SETD5: variants seen among roughly 807,000 people sequenced by gnomAD.
SETD5 encodes histone-lysine N-methyltransferase SETD5.
SETD5 carries 44 observed loss-of-function variants against 153.3 expected under a neutral mutation model. The observed-to-expected ratio is 0.29, with a 90% CI of 0.23 to 0.37. The LOEUF (loss-of-function observed/expected upper bound fraction) is 0.37, where lower values mean the gene tolerates loss of function less well. SETD5 is among the 10% of genes least tolerant of loss of function. The pLI is 1.00. For missense variants in SETD5, 1,544 were observed against 1,768.0 expected (o/e 0.87, Z 2.27); for synonymous variants, 716 against 645.2 (o/e 1.11, Z -1.66).
rs1478521281 is a variant in SETD5 at position 9,397,663 on chromosome 3, C to CGCCGCCGCCGCCGCCGCCGCCGCT, written c.-486_-463dup. Reference sequence around the variant, plus strand: ...GGGCTGAGTGAGCTGCCGCCGCCGCCGCCGCCGCCGCCGCCGCCGCCGCTG... The same window carrying CGCCGCCGCCGCCGCCGCCGCCGCT: ...GGGCTGAGTGAGCTGCCGCCGCCGCCGCCGCCGCCGCCGCCGCCGCCGCTGCCGCCGCCGCCGCCGCCGCCGCTG... On this transcript the variant is annotated 5_prime_UTR_variant, in exon 1 of 23. Coordinates refer to ENST00000402198, the MANE Select transcript of SETD5 (RefSeq NM_001080517.3). The CGCCGCCGCCGCCGCCGCCGCCGCT allele has an allele frequency of 1.1e-5, 2 of 178,228 alleles. No homozygotes were observed. Among genetic ancestry groups the CGCCGCCGCCGCCGCCGCCGCCGCT allele is most frequent in the South Asian group, 3.3e-4 (2 of 6,116 alleles). 11.0% of individuals were successfully genotyped at this position (178,228 alleles called of 1,614,324 possible).
At chr3:9,472,950 G>A (rs898431691) in intron 19 of SETD5, among the ~76,000 whole-genome samples, 1 of 152,088 alleles carries the variant, frequency 6.6e-6, no homozygotes, top group African/African-American at 2.4e-5. Context: ...TTTTCTGAAG[G>A]CAGAAAAAAA....
rs778292267 is a variant in SETD5 at position 9,443,274 on chromosome 3, T to C, written c.1078-34T>C. 4.0e-6 allele frequency: 6 copies of C among 1,492,704 alleles called. No homozygotes were observed. The South Asian group carries it at 4.9e-5, about 12-fold the overall frequency. The allele number at this position is 1,492,704 out of a possible 1,614,324, so 92.5% of individuals were successfully genotyped here. A position where few individuals can be genotyped will look rare whatever the true frequency, so the allele number is the denominator to read the frequency against. The stretch of plus-strand genomic sequence containing the variant: ...TCTCTTACGGAAAGTTCATGGTCTT[T>C]ATGAAAAATCCAACCAGAAGCCTTT... On this transcript the variant is annotated intron_variant, in intron 10 of 22. Coordinates refer to ENST00000402198, the MANE Select transcript of SETD5 (RefSeq NM_001080517.3).
chr3:9,431,647 G>C (rs906918107), intron 3 of SETD5: 1 of 985,500 alleles, frequency 1.0e-6, no homozygotes, highest in Non-Finnish European at 1.2e-6. Context: ...TAACTAGAAA[G>C]TATTGTGCAG....
At chr3:9,443,196 A>C in intron 10 of SETD5, 112 bp from the exon 11 acceptor site, 1 of 785,766 alleles carries the variant, frequency 1.3e-6, no homozygotes, top group Non-Finnish European at 2.1e-6. Context: ...TAACTCCTTA[A>C]ATAAATAATA....
chr3:9,454,635 A>C (rs970721849), intron 17 of SETD5, among the ~76,000 whole-genome samples: 29 of 128,750 alleles, frequency 2.3e-4, no homozygotes, highest in African/African-American at 7.5e-4. Flanking sequence ...AAAAAAAAAA[A>C]AAAAAAAAAA....
In SETD5 at chr3:9,447,067, G is replaced by T; in HGVS notation, c.1542G>T (p.Lys514Asn). The T allele has an allele frequency of 6.2e-7, 1 of 1,612,666 alleles. No individual in the cohort carries two copies. Among genetic ancestry groups the T allele is most frequent in the South Asian group, 1.1e-5 (1 of 90,926 alleles). The change falls in exon 14 of 23, where the codon AAG becomes AAT. Residue 514 changes from lysine to asparagine, a missense_variant. By Grantham distance (94) the Lys-to-Asn change is moderately conservative (BLOSUM62 0). This residue lies in a region of SETD5 where 782 missense variants were observed against 787.2 expected (regional missense o/e 0.99). Coordinates refer to ENST00000402198, the MANE Select transcript of SETD5 (RefSeq NM_001080517.3). Reference protein sequence around the residue: ...AHSRRTREDRKVEAIMHAFEN... With the variant: ...AHSRRTREDRNVEAIMHAFEN... ...CTTTCTAGACCAGGGAAGATAGAAA[G>T]GTAGAAGCCATCATGCATGCTTTTG...
intron 19 of SETD5, 30 bp from the exon 20 acceptor site, chr3:9,473,206 T>G (rs771861931): frequency 1.9e-6 from 3 of 1,600,612 alleles, no homozygotes; most frequent in African/African-American, 2.7e-5. Context: ...TAGAGTACCG[T>G]TTTTTGTTTG....
chr3:9,425,056 T>TTTTTTG (rs2038961709), intron 2 of SETD5, among the ~76,000 whole-genome samples: 1 of 95,010 alleles, frequency 1.1e-5, no homozygotes, highest in Non-Finnish European at 2.0e-5. Flanking sequence ...ACAATGTTTC[T>TTTTTTG]TTTTTTTTTT....
chr3:9,476,127 C>A lies in SETD5; in HGVS notation c.*36C>A. The A allele has an allele frequency of 6.3e-7, 1 of 1,586,910 alleles. No individual in the cohort carries two copies. Among genetic ancestry groups the A allele is most frequent in the Non-Finnish European group, 8.6e-7 (1 of 1,164,110 alleles). On this transcript the variant is annotated 3_prime_UTR_variant, in exon 23 of 23. Coordinates refer to ENST00000402198, the MANE Select transcript of SETD5 (RefSeq NM_001080517.3). ...TTTGGGCAAACAGAACTGAATGAGC[C>A]CATAGCTGCTTCCTTCCAGCTGCCT...
intron 1 of SETD5, among the ~76,000 whole-genome samples, chr3:9,417,752 T>A (rs1028149093): frequency 7.9e-5 from 12 of 151,810 alleles, no homozygotes; most frequent in African/African-American, 2.7e-4. Flanking sequence ...CCCAAAGTGC[T>A]GGGATTATAG....
chr3:9,453,808 C>G lies in SETD5; in HGVS notation c.2416C>G (p.Gln806Glu). ...ATCTGTACCCCAAGAGACTAGAACT[C>G]AGCACCTATACCAAAGCAATGAGAA... ...TSSVPQETRT[Q>E]HLYQSNENSS... Residue 806 changes from glutamine (Q) to glutamate (E), a missense_variant, in exon 17 of 23, where the codon CAG (glutamine) becomes GAG (glutamate). Gln to Glu is a conservative substitution (Grantham distance 29, BLOSUM62 2). Around this residue, in one of 9 missense-constraint regions of SETD5, gnomAD observed 782 missense variants for 787.2 expected, o/e 0.99. Transcript: ENST00000402198. The G allele has an allele frequency of 6.2e-7, 1 of 1,609,444 alleles. No individual in the cohort carries two copies. Among genetic ancestry groups the G allele is most frequent in the Non-Finnish European group, 8.5e-7 (1 of 1,178,660 alleles).
At chr3:9,466,613 T>G (rs190769483) in intron 18 of SETD5, among the ~76,000 whole-genome samples, 10 of 152,252 alleles carry the variant, frequency 6.6e-5, no homozygotes, top group African/African-American at 2.4e-4. Context: ...CCTGACCCAT[T>G]CTAATCACCA....
At chr3:9,416,605 G>A (rs1372972997) in intron 1 of SETD5, among the ~76,000 whole-genome samples, 2 of 152,084 alleles carry the variant, frequency 1.3e-5, no homozygotes, top group African/African-American at 4.8e-5. Context: ...AGCAAATCTA[G>A]CAATTGTTGA....
chr3:9,413,649 G>GGTGTGTGTGT lies in SETD5; in HGVS notation c.-176-10791_-176-10782dup, dbSNP rs1160123997. On this transcript the variant is annotated intron_variant, in intron 1 of 22. Transcript: ENST00000402198. ...AGCTTCTTCGGGTGGGGGGAGGCGGGGTGTGTGTGTGTGTGTGTGTGTGTG... is the reference window on the plus strand; with the variant it reads ...AGCTTCTTCGGGTGGGGGGAGGCGGGGTGTGTGTGTGTGTGTGTGTGTGTGTGTGTGTGTG... 4.1e-3 allele frequency among the ~76,000 whole-genome samples: 579 copies of GGTGTGTGTGT among 140,446 alleles called. 6 individuals are homozygous for GGTGTGTGTGT. Among genetic ancestry groups the GGTGTGTGTGT allele is most frequent in the South Asian group, 0.016 (68 of 4,378 alleles). 92.1% of individuals were successfully genotyped at this position (140,446 alleles called of 152,430 possible). A position where few individuals can be genotyped will look rare whatever the true frequency, so the allele number is the denominator to read the frequency against.
At chr3:9,421,106 A>G (rs972763494) in intron 1 of SETD5, among the ~76,000 whole-genome samples, 1 of 151,532 alleles carries the variant, frequency 6.6e-6, no homozygotes, top group Non-Finnish European at 1.5e-5. Context: ...ACTTTGAGAC[A>G]TTCTATGAAT....
intron 16 of SETD5, among the ~76,000 whole-genome samples, 196 bp downstream of exon 16, chr3:9,448,826 T>G (rs909163213): frequency 6.6e-6 from 1 of 152,218 alleles, no homozygotes; most frequent in Non-Finnish European, 1.5e-5. Context: ...GTGGAATGAA[T>G]GTACTGCATT....
chr3:9,452,236 T>G (rs1050630262), intron 16 of SETD5, among the ~76,000 whole-genome samples: 2 of 152,216 alleles, frequency 1.3e-5, no homozygotes, highest in African/African-American at 4.8e-5. Flanking sequence ...AAAAAATTAC[T>G]CAGATAGGAA....
intron 10 of SETD5, among the ~76,000 whole-genome samples, 168 bp downstream of exon 10, chr3:9,442,413 G>T (rs956405382): frequency 6.6e-6 from 1 of 152,172 alleles, no homozygotes; most frequent in Non-Finnish European, 1.5e-5. Context: ...CGACAAAATG[G>T]GCGCAAGGAA....
chr3:9,447,956 A>G lies in SETD5; in HGVS notation c.2053A>G (p.Thr685Ala), dbSNP rs746920818. 1.2e-6 allele frequency: 2 copies of G among 1,613,986 alleles called. No homozygotes were observed. Among genetic ancestry groups the G allele is most frequent in the Admixed American group, 3.3e-5 (2 of 60,012 alleles). Residue 685 changes from threonine to alanine, a missense_variant, in exon 15 of 23, where the codon ACT (threonine) becomes GCT (alanine). Around this residue, in one of 9 missense-constraint regions of SETD5, gnomAD observed 782 missense variants for 787.2 expected, o/e 0.99. Transcript: ENST00000402198. ...GTCTGACCCAACTGTGGTGTCAATTACTGGATCCCATGTCAACCGTGCTGC... is the reference window on the plus strand; with the variant it reads ...GTCTGACCCAACTGTGGTGTCAATTGCTGGATCCCATGTCAACCGTGCTGC... Reference protein sequence around the residue: ...TGSDPTVVSITGSHVNRAASK... With the variant: ...TGSDPTVVSIAGSHVNRAASK...
Sources: allele counts gnomAD v4.1 joint callset (sites outside exome capture counted in the v4.1 genomes callset), GRCh38; gene constraint gnomAD v4.1.1; regional missense constraint gnomAD v4.1.1; transcripts MANE v1.5; gene names NCBI Gene and HGNC (gene_info 2026-07-23, HGNC 2026-07-21).